SLIT3: variants seen among roughly 807,000 people sequenced by gnomAD.
SLIT3 encodes the protein slit homolog 3 protein.
A neutral mutation model predicts 184.0 loss-of-function variants in SLIT3; 68 were observed. That is an observed-to-expected ratio of 0.37 (90% CI 0.30 to 0.45). SLIT3 has a LOEUF of 0.45. Among genes scored for constraint, SLIT3 ranks in the 20% least tolerant of loss-of-function variants. The pLI is 1.00. For missense variants in SLIT3, 1,707 were observed against 2,026.0 expected (o/e 0.84, Z 3.02); for synonymous variants, 831 against 828.6 (o/e 1.00, Z -0.05).
intron 4 of SLIT3, among the ~76,000 whole-genome samples, chr5:168,947,234 A>T (rs2113226378): frequency 1.3e-5 from 2 of 152,340 alleles, no homozygotes; most frequent in South Asian, 4.1e-4. Context: ...CAACGAGAGA[A>T]AAAACAGATG....
At chr5:169,075,465 C>T (rs748559910) in intron 4 of SLIT3, among the ~76,000 whole-genome samples, 3 of 152,200 alleles carry the variant, frequency 2.0e-5, no homozygotes, top group South Asian at 2.1e-4. Context: ...AAGCTGTATT[C>T]GAAAATATCG....
At position 169,178,538 on chromosome 5, in the gene SLIT3, G is replaced by A. The variant is rs575398559; in HGVS notation, c.413+14941C>T. ...GAGATTCTTCCAGCTGCTTTGGGAG[G>A]AGCCAGAAAAAGACTAAAACAAACC... On this transcript the variant is annotated intron_variant, in intron 4 of 35. Coordinates refer to ENST00000519560, the MANE Select transcript of SLIT3 (RefSeq NM_003062.4). 6.6e-5 allele frequency among the ~76,000 whole-genome samples: 10 copies of A among 152,242 alleles called. No homozygotes were observed. The East Asian group carries it at 9.6e-4, about 15-fold the overall frequency.
intron 5 of SLIT3, among the ~76,000 whole-genome samples, chr5:168,862,329 A>G (rs1759142664): frequency 6.6e-6 from 1 of 152,196 alleles, no homozygotes; most frequent in Non-Finnish European, 1.5e-5. Context: ...TCATGTAACC[A>G]AATGCCACCT....
chr5:169,168,281 A>G (rs1762703633), intron 4 of SLIT3, among the ~76,000 whole-genome samples: 1 of 152,190 alleles, frequency 6.6e-6, no homozygotes, highest in Non-Finnish European at 1.5e-5. Flanking sequence ...AAAACCGCTC[A>G]CTCAAATCAT....
chr5:168,993,041 G>A (rs1755385759), intron 4 of SLIT3: 1 of 152,212 alleles, frequency 6.6e-6, no homozygotes, highest in African/African-American at 2.4e-5. Context: ...CTGGGAGTGT[G>A]AGCTTCATGG....
At position 169,171,876 on chromosome 5, in the gene SLIT3, C is replaced by T. The variant is rs189580734; in HGVS notation, c.413+21603G>A. 4.8e-3 allele frequency among the ~76,000 whole-genome samples: 725 copies of T among 152,238 alleles called. 2 individuals carry two copies. The highest frequency in any genetic ancestry group is 0.014 in the Middle Eastern group (4 of 294). ...CCACCCAGAATGCCTAAGGGGCCTA[C>T]GGCTATTCTCTGCCCCCTTGGGGCT... On this transcript the variant is annotated intron_variant, in intron 4 of 35. Transcript: ENST00000519560.
intron 4 of SLIT3, among the ~76,000 whole-genome samples, chr5:168,968,006 A>G (rs1343709777): frequency 2.0e-5 from 3 of 152,078 alleles, no homozygotes; most frequent in Non-Finnish European, 4.4e-5. Flanking sequence ...CAGGCATTCA[A>G]ATTCCTTCCT....
chr5:168,846,322 T>C (rs1426318242), intron 5 of SLIT3, among the ~76,000 whole-genome samples: 1 of 152,198 alleles, frequency 6.6e-6, no homozygotes, highest in Non-Finnish European at 1.5e-5. Context: ...TTCTCACTGA[T>C]GCCCACTCAC....
chr5:168,662,456 A>G lies in SLIT3; in HGVS notation c.*3998T>C, dbSNP rs10045972. 0.5 allele frequency: 76,468 copies of G among 151,940 alleles called. 19,711 individuals carry two copies. The highest frequency in any genetic ancestry group is 0.75 in the East Asian group (3,882 of 5,154). The allele number at this position is 151,940 out of a possible 1,614,324, so 9.4% of individuals were successfully genotyped here. A position where few individuals can be genotyped will look rare whatever the true frequency, so the allele number is the denominator to read the frequency against. ...GGTCACCCTGGGGCTCTTTTCCCCCACCTTTTTTTTCCCTCTGAGCTTGGG... is the reference window on the plus strand; with the variant it reads ...GGTCACCCTGGGGCTCTTTTCCCCCGCCTTTTTTTTCCCTCTGAGCTTGGG... On this transcript the variant is annotated 3_prime_UTR_variant, in exon 36 of 36. Coordinates refer to ENST00000519560, the MANE Select transcript of SLIT3 (RefSeq NM_003062.4).
At chr5:168,960,637 C>G (rs1024771465) in intron 4 of SLIT3, among the ~76,000 whole-genome samples, 1 of 152,210 alleles carries the variant, frequency 6.6e-6, no homozygotes, top group African/African-American at 2.4e-5. Flanking sequence ...CAAAATGAAA[C>G]CACCCTGGCC....
intron 14 of SLIT3, among the ~76,000 whole-genome samples, chr5:168,770,550 C>T (rs931834370): frequency 6.6e-6 from 1 of 152,138 alleles, no homozygotes; most frequent in South Asian, 2.1e-4. Flanking sequence ...AGCAGTCATG[C>T]TTTCTTTGCA....
At chr5:168,910,690 G>A (rs957823570) in intron 4 of SLIT3, among the ~76,000 whole-genome samples, 4 of 150,808 alleles carry the variant, frequency 2.7e-5, no homozygotes, top group Non-Finnish European at 4.4e-5. Flanking sequence ...AGCTTGCAGT[G>A]AGCCGAGATG....
chr5:168,852,545 A>C (rs186060161), intron 5 of SLIT3, among the ~76,000 whole-genome samples: 98 of 152,380 alleles, frequency 6.4e-4, no homozygotes, highest in African/African-American at 2.2e-3. Context: ...ACAAATCGGC[A>C]CATCCTGGGG....
Position 169,227,867 on chromosome 5 carries a change from A to G in SLIT3, c.341+16838T>C, listed in dbSNP as rs1246701691. 2.0e-5 allele frequency among the ~76,000 whole-genome samples: 3 copies of G among 152,346 alleles called. No homozygotes were observed. The East Asian group carries it at 5.8e-4, about 29-fold the overall frequency. On this transcript the variant is annotated intron_variant, in intron 3 of 35. Transcript: ENST00000519560. ...GCAGAGGAGGAGCTGAGATTCAGGC[A>G]GGGGGAGCCTGAGGTCTTAGCCTGT...
chr5:169,224,369 AT>A (rs200957156), intron 3 of SLIT3, among the ~76,000 whole-genome samples: 5,063 of 91,234 alleles, frequency 0.055, 100 homozygotes, highest in Admixed American at 0.083. Context: ...ATTTTTTATT[AT>A]TTATTTATTT....
chr5:169,270,147 ACT>A (rs1033401998), intron 1 of SLIT3, among the ~76,000 whole-genome samples: 2 of 152,100 alleles, frequency 1.3e-5, no homozygotes, highest in African/African-American at 2.4e-5. Context: ...AAAAATTTTT[ACT>A]CTTTCCTCAA....
intron 4 of SLIT3, among the ~76,000 whole-genome samples, chr5:168,983,591 C>T (rs746680441): frequency 3.3e-5 from 5 of 152,208 alleles, no homozygotes; most frequent in Non-Finnish European, 5.9e-5. Flanking sequence ...AGCAAAATCA[C>T]ATAAGTGGCT....
chr5:168,998,221 C>A (rs1188348866), intron 4 of SLIT3, among the ~76,000 whole-genome samples: 1 of 152,198 alleles, frequency 6.6e-6, no homozygotes, highest in South Asian at 2.1e-4. Flanking sequence ...ACATGAAACA[C>A]ATCCGTTTCA....
chr5:169,239,466 A>C (rs1248142630), intron 3 of SLIT3, among the ~76,000 whole-genome samples: 2 of 152,074 alleles, frequency 1.3e-5, no homozygotes, highest in Non-Finnish European at 2.9e-5. Flanking sequence ...TTTTTGATGG[A>C]ATGTTTTAAA....
Sources: gnomAD v4.1 joint callset for allele counts (sites outside exome capture counted in the v4.1 genomes callset) on GRCh38, gnomAD v4.1.1 for gene constraint, MANE v1.5 for transcripts, NCBI Gene and HGNC (gene_info 2026-07-23, HGNC 2026-07-21) for gene names.